Variants in TIMM23 observed in about 807,000 individuals in gnomAD.
The protein encoded by TIMM23 is translocase of inner mitochondrial membrane 23.
Under a neutral mutation model 30.7 loss-of-function variants are expected in TIMM23, and 19 were observed. The ratio of observed to expected loss-of-function variants is 0.62; its 90% CI spans 0.43 to 0.91. TIMM23 has a LOEUF of 0.91. Among genes scored for constraint, TIMM23 ranks in the 40% least tolerant of loss-of-function variants. The probability of loss-of-function intolerance (pLI) is 0.00; values close to 1 mark genes in which losing one functional copy is unlikely to be tolerated. For missense variants in TIMM23, 202 were observed against 269.2 expected, an observed-to-expected ratio of 0.75 and a Z score of 1.75; for synonymous variants, 78 against 98.5, an observed-to-expected ratio of 0.79 and a Z score of 1.23.
Position 45,972,748 on chromosome 10 carries a change from C to T in TIMM23, c.106+18C>T, listed in dbSNP as rs782679916. ...CGTCCCGCGTAAGTATGGGGCCTAG[C>T]TTGCGATTATTTCTGACTGGTTTTT... On this transcript the variant is annotated intron_variant, in intron 1 of 6. Coordinates refer to ENST00000580018, the MANE Select transcript of TIMM23 (RefSeq NM_006327.4). 3 of 1,613,252 alleles carry T rather than the reference C, an allele frequency of 1.9e-6. No homozygotes were observed. Among genetic ancestry groups the T allele is most frequent in the Admixed American group, 3.3e-5 (2 of 59,962 alleles).
In TIMM23 at chr10:45,995,139, T is replaced by C. The variant is rs1201733340; in HGVS notation, c.514+6292T>C. Among the ~76,000 whole-genome samples the C allele has an allele frequency of 4.2e-3, 633 of 151,750 alleles. 10 individuals are homozygous for C. Among genetic ancestry groups the C allele is most frequent in the African/African-American group, 0.015 (604 of 41,212 alleles). Reference sequence around the variant, plus strand: ...TGTCCTGTGACATAGAATTAATGAGTATTCTTTTTTGCTTTTTCTCTTCTG... The same window carrying C: ...TGTCCTGTGACATAGAATTAATGAGCATTCTTTTTTGCTTTTTCTCTTCTG... On this transcript the variant is annotated intron_variant, in intron 6 of 6. Transcript: ENST00000580018.
chr10:45,972,794 G>C, intron 1 of TIMM23, 64 bp downstream of exon 1: 1 of 1,594,702 alleles, frequency 6.3e-7, no homozygotes, highest in Non-Finnish European at 8.5e-7. Context: ...TAAGTTGCGC[G>C]TCCCATGTTT....
intron 1 of TIMM23, among the ~76,000 whole-genome samples, chr10:45,973,633 T>C (rs1837570557): frequency 6.6e-6 from 1 of 152,190 alleles, no homozygotes; most frequent in Admixed American, 6.5e-5. Flanking sequence ...CATGGTGTTT[T>C]GTTTCGTTTT....
intron 2 of TIMM23, among the ~76,000 whole-genome samples, chr10:45,976,837 C>T (rs1316096846): frequency 1.3e-5 from 2 of 152,192 alleles, no homozygotes; most frequent in Non-Finnish European, 2.9e-5. Context: ...GTTAAACTAT[C>T]TGTTTACAAA....
Position 45,996,964 on chromosome 10 carries a change from C to CAAAAA in TIMM23, c.515-6236_515-6235insAAAAA, listed in dbSNP as rs1467134430. Among the ~76,000 whole-genome samples, 192 of 111,774 alleles carry CAAAAA rather than the reference C, an allele frequency of 1.7e-3. 3 individuals are homozygous for CAAAAA. The highest frequency in any genetic ancestry group is 6.5e-3 in the African/African-American group (182 of 27,976). 73.3% of individuals were successfully genotyped at this position (111,774 alleles called of 152,430 possible). A position where few individuals can be genotyped will look rare whatever the true frequency, so the allele number is the denominator to read the frequency against. On this transcript the variant is annotated intron_variant, in intron 6 of 6. Coordinates refer to ENST00000580018, the MANE Select transcript of TIMM23 (RefSeq NM_006327.4). ...TGGACGACAGAGTGAGACCCTGTGT[C>CAAAAA]AAACAAAAAAAAAAAAAAAAAGATA...
rs1554912836 is a variant in TIMM23, at chr10:45,975,436, A to C, written c.107-18A>C. Reference sequence around the variant, plus strand: ...TTAAAGAATTTTGTTGCAATGTGACATTTTGTTTTCTCTCTAGTAACTGGT... The same window carrying C: ...TTAAAGAATTTTGTTGCAATGTGACCTTTTGTTTTCTCTCTAGTAACTGGT... On this transcript the variant is annotated intron_variant, in intron 1 of 6. Coordinates refer to ENST00000580018, the MANE Select transcript of TIMM23 (RefSeq NM_006327.4). 1.9e-6 allele frequency: 3 copies of C among 1,613,784 alleles called. No individual in the cohort carries two copies.
At chr10:46,003,039 A>C (rs1590136524) in intron 6 of TIMM23, among the ~76,000 whole-genome samples, 164 bp from the exon 7 acceptor site, 1 of 151,478 alleles carries the variant, frequency 6.6e-6, no homozygotes, top group Non-Finnish European at 1.5e-5. Flanking sequence ...GGCTGGTTGA[A>C]CTCCTATCCT....
chr10:45,975,818 T>A (rs1274621946), intron 2 of TIMM23, among the ~76,000 whole-genome samples: 53 of 152,268 alleles, frequency 3.5e-4, no homozygotes, highest in African/African-American at 1.3e-3. Flanking sequence ...TGTTTGTTTT[T>A]GAGCCAGAGT....
At chr10:45,993,366 C>A (rs1219080340) in intron 6 of TIMM23, among the ~76,000 whole-genome samples, 1 of 150,720 alleles carries the variant, frequency 6.6e-6, no homozygotes, top group Non-Finnish European at 1.5e-5. Flanking sequence ...GATTCTCCTG[C>A]CTCATCCTCC....
intron 5 of TIMM23, among the ~76,000 whole-genome samples, chr10:45,987,957 T>G (rs1381247867): frequency 2.0e-5 from 3 of 151,992 alleles, no homozygotes; most frequent in African/African-American, 7.3e-5. Context: ...AATAGCCCAG[T>G]CAAGGAATAC....
intron 2 of TIMM23, among the ~76,000 whole-genome samples, chr10:45,981,978 A>G (rs1355598898): frequency 7.9e-5 from 12 of 152,172 alleles, no homozygotes; most frequent in Non-Finnish European, 1.6e-4. Flanking sequence ...CAATTACTAG[A>G]AATAGGGTCT....
At chr10:45,994,164 A>T (rs1203505436) in intron 6 of TIMM23, among the ~76,000 whole-genome samples, 1 of 152,002 alleles carries the variant, frequency 6.6e-6, no homozygotes, top group East Asian at 2.0e-4. Flanking sequence ...ACATGACGAA[A>T]CCCCATCTCT....
At chr10:45,974,967 A>G (rs1374560370) in intron 1 of TIMM23, among the ~76,000 whole-genome samples, 4 of 151,874 alleles carry the variant, frequency 2.6e-5, no homozygotes, top group Non-Finnish European at 4.4e-5. Flanking sequence ...CAACCTTGCC[A>G]CAGTAAATCA....
chr10:45,996,521 A>G (rs75102375), intron 6 of TIMM23, among the ~76,000 whole-genome samples: 1 of 147,472 alleles, frequency 6.8e-6, no homozygotes, highest in Admixed American at 6.6e-5. Flanking sequence ...AGTTCCATTA[A>G]GTGCTTATTG....
At position 45,972,603 on chromosome 10, in the gene TIMM23, C is replaced by T; in HGVS notation, c.-22C>T. ...CCCAGGCTTGAGGCAGCGGCGGGAACCACTCGGTTTGCTGCGATACCATGG... is the reference window on the plus strand; with the variant it reads ...CCCAGGCTTGAGGCAGCGGCGGGAATCACTCGGTTTGCTGCGATACCATGG... On this transcript the variant is annotated 5_prime_UTR_variant, in exon 1 of 7. Coordinates refer to ENST00000580018, the MANE Select transcript of TIMM23 (RefSeq NM_006327.4). 1 of 1,600,940 alleles carries T rather than the reference C, an allele frequency of 6.2e-7. No homozygotes were observed. The highest frequency in any genetic ancestry group is 1.1e-5 in the South Asian group (1 of 90,454).
At chr10:45,986,583 A>G (rs1264793639) in intron 5 of TIMM23, among the ~76,000 whole-genome samples, 1 of 152,152 alleles carries the variant, frequency 6.6e-6, no homozygotes, top group African/African-American at 2.4e-5. Context: ...GCAGTAGAGG[A>G]GTTGTAAGGC....
chr10:45,993,902 G>T (rs1233350623), intron 6 of TIMM23, among the ~76,000 whole-genome samples: 1 of 151,962 alleles, frequency 6.6e-6, no homozygotes, highest in Admixed American at 6.5e-5. Context: ...CGGGTGAAAT[G>T]AAATGAAATG....
chr10:45,982,717 T>A, intron 3 of TIMM23, 101 bp downstream of exon 3: 8 of 1,552,830 alleles, frequency 5.2e-6, no homozygotes, highest in African/African-American at 1.4e-5. Context: ...GTTTTTTTTT[T>A]AATATTTACA....
intron 2 of TIMM23, among the ~76,000 whole-genome samples, chr10:45,976,883 A>G (rs1371891203): frequency 9.8e-5 from 15 of 152,352 alleles, no homozygotes; most frequent in East Asian, 3.9e-4. Flanking sequence ...CACAAGGGAA[A>G]TCACAAAAAT....
Sources: gnomAD v4.1 joint callset for allele counts (sites outside exome capture counted in the v4.1 genomes callset) on GRCh38, gnomAD v4.1.1 for gene constraint, MANE v1.5 for transcripts, NCBI Gene and HGNC (gene_info 2026-07-23, HGNC 2026-07-21) for gene names.